The following KDM6A variants were observed in gnomAD, a reference collection of about 807,000 sequenced individuals.
KDM6A encodes the protein lysine-specific demethylase 6A.
A neutral mutation model predicts 117.6 loss-of-function variants in KDM6A; 11 were observed. That is an observed-to-expected ratio of 0.09 (90% CI 0.06 to 0.15). KDM6A has a LOEUF of 0.15. Among genes scored for constraint, KDM6A ranks in the 10% least tolerant of loss-of-function variants. KDM6A has a pLI of 1.00. For missense variants in KDM6A, 799 were observed against 1,077.3 expected (o/e 0.74, Z 3.62); for synonymous variants, 384 against 396.1 (o/e 0.97, Z 0.36).
At chrX:44,992,206 C>CTTTTTTTTTTTTTTTTTTTTTTTTTTT (rs779979560) in intron 4 of KDM6A, among the ~76,000 whole-genome samples, 1 of 32,041 alleles carries the variant, frequency 3.1e-5, no homozygotes, top group Non-Finnish European at 5.8e-5. Flanking sequence ...CTGTCTTCTT[C>CTTTTTTTTTTTTTTTTTTTTTTTTTTT]TTTTTTTTTT....
intron 25 of KDM6A, among the ~76,000 whole-genome samples, chrX:45,088,972 C>T (rs2045773280): frequency 8.9e-6 from 1 of 111,900 alleles, no homozygotes; most frequent in South Asian, 3.7e-4. Context: ...TGGAGTCTGA[C>T]ATCCAGTCTC....
At position 44,974,660 on chromosome X, in the gene KDM6A, T is replaced by C; in HGVS notation, c.335-6T>C. On this transcript the variant is annotated splice_region_variant and splice_polypyrimidine_tract_variant and intron_variant, in intron 3 of 29. Transcript: ENST00000611820. ...TAATTATGACTCATAATTATTTTCC[T>C]TTCAGCATTATCTGCATACCAGAGG... The C allele has an allele frequency of 8.6e-7, 1 of 1,157,680 alleles. No individual in the cohort carries two copies. Among genetic ancestry groups the C allele is most frequent in the Non-Finnish European group, 1.2e-6 (1 of 846,366 alleles).
intron 3 of KDM6A, among the ~76,000 whole-genome samples, chrX:44,962,167 G>C (rs1335555667): frequency 8.9e-6 from 1 of 112,172 alleles, no homozygotes; most frequent in Non-Finnish European, 1.9e-5. Flanking sequence ...ACACCTGGCA[G>C]ATAGTTTCAG....
At chrX:45,068,786 T>TC (rs1556326877) in intron 17 of KDM6A, among the ~76,000 whole-genome samples, 4 of 85,441 alleles carry the variant, frequency 4.7e-5, no homozygotes, top group Admixed American at 1.4e-4. Context: ...CTCCTCTCTC[T>TC]TCTTTCTCTT....
Position 44,976,736 on chromosome X carries a change from G to A in KDM6A, c.384+2021G>A, listed in dbSNP as rs777561635. On this transcript the variant is annotated intron_variant, in intron 4 of 29. Coordinates refer to ENST00000611820, the MANE Select transcript of KDM6A (RefSeq NM_001291415.2). The stretch of plus-strand genomic sequence containing the variant: ...TTGTTTATCCTTTCATCAGTTGATG[G>A]GCATTTGGGTTGTTTCATTTTTTGG... Among the ~76,000 whole-genome samples, 43 of 111,596 alleles carry A rather than the reference G, an allele frequency of 3.9e-4. No homozygotes were observed. The South Asian group carries it at 0.016, about 42-fold the overall frequency.
At chrX:45,057,674 T>A (rs988293255) in intron 10 of KDM6A, among the ~76,000 whole-genome samples, 2 of 111,151 alleles carry the variant, frequency 1.8e-5, no homozygotes, top group Non-Finnish European at 3.8e-5. Flanking sequence ...TCTCTACTGT[T>A]TTGTGTCTGT....
intron 2 of KDM6A, among the ~76,000 whole-genome samples, chrX:44,957,554 A>G (rs1602341298): frequency 1.8e-5 from 2 of 112,197 alleles, no homozygotes; most frequent in South Asian, 7.3e-4. Context: ...ACCAAGCACA[A>G]GTTATATTGA....
intron 15 of KDM6A, 45 bp from the exon 16 acceptor site, chrX:45,062,602 C>T (rs192122340): frequency 1.2e-4 from 117 of 972,219 alleles, no homozygotes; most frequent in Non-Finnish European, 1.6e-4. Flanking sequence ...GATCTTATTT[C>T]CTAAATATAT....
intron 4 of KDM6A, among the ~76,000 whole-genome samples, chrX:45,001,864 A>C (rs1190115398): frequency 2.7e-5 from 3 of 111,009 alleles, no homozygotes; most frequent in Non-Finnish European, 5.7e-5. Flanking sequence ...AGCACAAGGT[A>C]GGGTCCTTCC....
At chrX:45,068,959 G>A (rs1288009030) in intron 17 of KDM6A, among the ~76,000 whole-genome samples, 2 of 110,206 alleles carry the variant, frequency 1.8e-5, no homozygotes, top group Non-Finnish European at 1.9e-5. Context: ...GCCTTCCAGA[G>A]TGCTGGGATT....
At chrX:44,972,503 T>A (rs1452838682) in intron 3 of KDM6A, among the ~76,000 whole-genome samples, 1 of 111,445 alleles carries the variant, frequency 9.0e-6, no homozygotes, top group East Asian at 2.8e-4. Context: ...AGGGGCCATA[T>A]TGTCACTATT....
intron 8 of KDM6A, among the ~76,000 whole-genome samples, chrX:45,039,282 G>A (rs1429848137): frequency 9.3e-6 from 1 of 107,477 alleles, no homozygotes; most frequent in Non-Finnish European, 1.9e-5. Flanking sequence ...TGAGATCACT[G>A]GTCTGTCATT....
chrX:45,073,739 ATTTG>A (rs1819063752), intron 18 of KDM6A, among the ~76,000 whole-genome samples: 1 of 111,552 alleles, frequency 9.0e-6, no homozygotes, highest in Admixed American at 9.5e-5. Flanking sequence ...TTTCTTGTAA[ATTTG>A]TTTAAGTTCT....
At chrX:45,005,547 G>C (rs2041396559) in intron 4 of KDM6A, among the ~76,000 whole-genome samples, 1 of 111,398 alleles carries the variant, frequency 9.0e-6, no homozygotes. Flanking sequence ...CTAAACTTTG[G>C]CCAGAAGATT....
chrX:45,078,911 T>C (rs1021990735), intron 20 of KDM6A, among the ~76,000 whole-genome samples: 1 of 110,832 alleles, frequency 9.0e-6, no homozygotes, highest in African/African-American at 3.3e-5. Flanking sequence ...ATTTCAGTCC[T>C]TTCACACTTA....
intron 3 of KDM6A, among the ~76,000 whole-genome samples, chrX:44,965,348 A>G (rs2038952541): frequency 8.9e-6 from 1 of 112,050 alleles, no homozygotes; most frequent in Non-Finnish European, 1.9e-5. Context: ...TGCATTCGTA[A>G]CTTGGCTGTT....
chrX:44,903,058 C>T (rs1375568249), intron 2 of KDM6A, among the ~76,000 whole-genome samples: 2 of 112,006 alleles, frequency 1.8e-5, no homozygotes, highest in African/African-American at 3.2e-5. Context: ...TGTAGGGACA[C>T]ATTAAGATCA....
intron 8 of KDM6A, among the ~76,000 whole-genome samples, chrX:45,048,931 A>G (rs1275512192): frequency 9.1e-6 from 1 of 110,224 alleles, no homozygotes; most frequent in Non-Finnish European, 1.9e-5. Context: ...ATGTACTACT[A>G]TAAGCATCCA....
At chrX:45,048,834 A>G (rs745975135) in intron 8 of KDM6A, among the ~76,000 whole-genome samples, 2 of 107,377 alleles carry the variant, frequency 1.9e-5, no homozygotes, top group South Asian at 7.6e-4. Flanking sequence ...TGTCACTCCA[A>G]ATATTGTCAG....
Sources: allele counts gnomAD v4.1 joint callset (sites outside exome capture counted in the v4.1 genomes callset), GRCh38; gene constraint gnomAD v4.1.1; transcripts MANE v1.5; gene names NCBI Gene and HGNC (gene_info 2026-07-23, HGNC 2026-07-21).